Variants in GXYLT2 observed in about 807,000 individuals in gnomAD.
GXYLT2 encodes the protein glycosyltransferase 8 domain containing 4.
GXYLT2 carries 53 observed loss-of-function variants against 45.8 expected under a neutral mutation model. The ratio of observed to expected loss-of-function variants is 1.16; its 90% CI spans 0.93 to 1.46. The LOEUF is 1.46. Among genes scored for constraint, GXYLT2 ranks in the 40% most tolerant of loss-of-function variants. The probability of loss-of-function intolerance (pLI) is 0.00; values close to 1 mark genes in which losing one functional copy is unlikely to be tolerated. For synonymous variants in GXYLT2, 219 were observed against 214.2 expected (o/e 1.02, Z -0.19); for missense variants, 551 against 544.4 (o/e 1.01, Z -0.12).
At chr3:72,972,022 T>G (rs193019417) in intron 6 of GXYLT2, among the ~76,000 whole-genome samples, 1 of 152,228 alleles carries the variant, frequency 6.6e-6, no homozygotes, top group Admixed American at 6.5e-5. Flanking sequence ...CTTTTTCACA[T>G]TTCTCTCTCT....
rs144507042 is a variant in GXYLT2 at position 72,954,715 on chromosome 3, G to A, written c.601-383G>A. ...CTTCAGGTTTTCTAATGCCACACTG[G>A]ATGTTCCAAGGAAAACCTAAGAGAG... On this transcript the variant is annotated intron_variant, in intron 3 of 6. Transcript: ENST00000389617. 7.1e-3 allele frequency among the ~76,000 whole-genome samples: 1,074 copies of A among 152,082 alleles called. 11 individuals carry two copies. Among genetic ancestry groups the A allele is most frequent in the African/African-American group, 0.025 (1,031 of 41,486 alleles).
chr3:72,953,321 T>A (rs893932838), intron 3 of GXYLT2, among the ~76,000 whole-genome samples: 3 of 151,920 alleles, frequency 2.0e-5, no homozygotes, highest in African/African-American at 7.3e-5. Flanking sequence ...TGAGACAGAG[T>A]CTCTGTCGCA....
intron 3 of GXYLT2, among the ~76,000 whole-genome samples, chr3:72,943,418 C>T (rs1031135694): frequency 6.6e-5 from 10 of 151,270 alleles, no homozygotes; most frequent in Non-Finnish European, 1.5e-4. Context: ...CCTCTGTTGC[C>T]CAGGCTGGAG....
chr3:72,963,161 A>T (rs572759545), intron 5 of GXYLT2, among the ~76,000 whole-genome samples: 1 of 152,066 alleles, frequency 6.6e-6, no homozygotes, highest in Admixed American at 6.6e-5. Context: ...AAAAATAAAA[A>T]TACATAAAAA....
rs1262320449 is a variant in GXYLT2, at chr3:72,888,233, C to G, written c.-1C>G. Reference sequence around the variant, plus strand: ...GGCCGCCGCCGCCGCCGCGCCGCACCATGAAGCTCCGCAGCAAGGCGGCGG... The same window carrying G: ...GGCCGCCGCCGCCGCCGCGCCGCACGATGAAGCTCCGCAGCAAGGCGGCGG... On this transcript the variant is annotated 5_prime_UTR_variant, in exon 1 of 7. Coordinates refer to ENST00000389617, the MANE Select transcript of GXYLT2 (RefSeq NM_001080393.2). 1 of 992,208 alleles carries G rather than the reference C, an allele frequency of 1.0e-6. No homozygotes were observed. Among genetic ancestry groups the G allele is most frequent in the African/African-American group, 1.8e-5 (1 of 56,718 alleles). 61.5% of individuals were successfully genotyped at this position (992,208 alleles called of 1,614,324 possible).
intron 4 of GXYLT2, among the ~76,000 whole-genome samples, chr3:72,956,571 G>C (rs1348182143): frequency 6.6e-6 from 1 of 152,140 alleles, no homozygotes; most frequent in Non-Finnish European, 1.5e-5. Flanking sequence ...AAGTAGAGTA[G>C]AGAATCCTGA....
At chr3:72,945,151 G>A (rs1339486143) in intron 3 of GXYLT2, among the ~76,000 whole-genome samples, 1 of 151,650 alleles carries the variant, frequency 6.6e-6, no homozygotes, top group Admixed American at 6.6e-5. Context: ...AGCCGGGTGT[G>A]GTGGCAGGCG....
At chr3:72,924,990 G>A (rs1709892194) in intron 3 of GXYLT2, among the ~76,000 whole-genome samples, 1 of 152,008 alleles carries the variant, frequency 6.6e-6, no homozygotes, top group Admixed American at 6.6e-5. Flanking sequence ...GGATACTCAA[G>A]CAGAAGGAAT....
In GXYLT2 at chr3:72,946,384, G is replaced by A. The variant is rs140361142; in HGVS notation, c.601-8714G>A. On this transcript the variant is annotated intron_variant, in intron 3 of 6. Transcript: ENST00000389617. ...ATAAAGTGAGAGAGAAGACATCCCA[G>A]TCGTAGAGAAGACTAAGTCATTCCA... Among the ~76,000 whole-genome samples, 58 of 151,736 alleles carry A rather than the reference G, an allele frequency of 3.8e-4. 1 individual carries two copies. Among genetic ancestry groups the A allele is most frequent in the African/African-American group, 1.4e-3 (57 of 41,362 alleles).
intron 1 of GXYLT2, among the ~76,000 whole-genome samples, chr3:72,900,370 A>G (rs1048523198): frequency 1.3e-5 from 2 of 152,080 alleles, no homozygotes; most frequent in Non-Finnish European, 2.9e-5. Context: ...CAGGACAACT[A>G]GGGCAACGTT....
chr3:72,955,975 G>C (rs140201676), intron 4 of GXYLT2, among the ~76,000 whole-genome samples: 1 of 152,320 alleles, frequency 6.6e-6, no homozygotes, highest in Admixed American at 6.5e-5. Flanking sequence ...CTATTCAGGA[G>C]CCTAAGGCAG....
At chr3:72,934,649 A>G (rs750097430) in intron 3 of GXYLT2, among the ~76,000 whole-genome samples, 5 of 152,228 alleles carry the variant, frequency 3.3e-5, no homozygotes, top group Non-Finnish European at 5.9e-5. Flanking sequence ...TGCCTGTTTC[A>G]TACTGTTTAA....
intron 2 of GXYLT2, among the ~76,000 whole-genome samples, chr3:72,911,289 C>CA (rs1373000513): frequency 4.0e-5 from 6 of 150,582 alleles, no homozygotes; most frequent in South Asian, 2.1e-4. Context: ...GACTCTGTCT[C>CA]AAAAAAAATA....
intron 3 of GXYLT2, among the ~76,000 whole-genome samples, chr3:72,936,120 T>C (rs1710171149): frequency 6.6e-6 from 1 of 151,556 alleles, no homozygotes; most frequent in Non-Finnish European, 1.5e-5. Flanking sequence ...TGAAACTCCA[T>C]CTCTACTAAA....
rs150133761 is a variant in GXYLT2 at position 72,897,620 on chromosome 3, A to G, written c.275+9112A>G. 6.5e-3 allele frequency among the ~76,000 whole-genome samples: 995 copies of G among 152,336 alleles called. 13 individuals carry two copies. The highest frequency in any genetic ancestry group is 0.023 in the African/African-American group (950 of 41,558). On this transcript the variant is annotated intron_variant, in intron 1 of 6. Transcript: ENST00000389617. ...AAATAAAATTAAGATGCTTTTACCAAAAAGTCCTAAAAATGGATGCCAGTA... is the reference window on the plus strand; with the variant it reads ...AAATAAAATTAAGATGCTTTTACCAGAAAGTCCTAAAAATGGATGCCAGTA...
chr3:72,938,763 C>T (rs1042401089), intron 3 of GXYLT2, among the ~76,000 whole-genome samples: 3 of 152,196 alleles, frequency 2.0e-5, no homozygotes, highest in Non-Finnish European at 4.4e-5. Flanking sequence ...CTGTGGAAAA[C>T]GTCCTGCATG....
chr3:72,947,823 C>G (rs1178716172), intron 3 of GXYLT2, among the ~76,000 whole-genome samples: 1 of 151,934 alleles, frequency 6.6e-6, no homozygotes, highest in Non-Finnish European at 1.5e-5. Context: ...GAAAGAAATG[C>G]AGTGAAAGGC....
At chr3:72,966,458 C>CTTTTTTTTTTTTTTTTTTT (rs10662974) in intron 5 of GXYLT2, among the ~76,000 whole-genome samples, 22 of 101,626 alleles carry the variant, frequency 2.2e-4, no homozygotes, top group African/African-American at 2.8e-4. Flanking sequence ...TTGTGTGTAT[C>CTTTTTTTTTTTTTTTTTTT]TTTTTTTTTT....
chr3:72,970,338 G>A (rs966881793), intron 6 of GXYLT2, among the ~76,000 whole-genome samples: 2 of 150,970 alleles, frequency 1.3e-5, no homozygotes, highest in African/African-American at 2.4e-5. Flanking sequence ...GTGACAGAGC[G>A]ACACTCCATC....
Sources: allele counts gnomAD v4.1 joint callset (sites outside exome capture counted in the v4.1 genomes callset), GRCh38; gene constraint gnomAD v4.1.1; transcripts MANE v1.5; gene names NCBI Gene and HGNC (gene_info 2026-07-23, HGNC 2026-07-21).